KAT6B: variants seen among roughly 807,000 people sequenced by gnomAD.
KAT6B encodes histone acetyltransferase KAT6B.
Under a neutral mutation model 187.5 loss-of-function variants are expected in KAT6B, and 10 were observed. The ratio of observed to expected loss-of-function variants is 0.05; its 90% CI spans 0.03 to 0.09. The LOEUF (loss-of-function observed/expected upper bound fraction) is 0.09. Among genes scored for constraint, KAT6B ranks in the 10% least tolerant of loss-of-function variants. KAT6B has a pLI of 1.00. For synonymous variants in KAT6B, 861 were observed against 926.8 expected (o/e 0.93, Z 1.29); for missense variants, 1,952 against 2,558.9 (o/e 0.76, Z 5.12).
At chr10:74,964,079 C>T (rs181379305) in intron 4 of KAT6B, among the ~76,000 whole-genome samples, 144 of 152,190 alleles carry the variant, frequency 9.5e-4, no homozygotes, top group Non-Finnish European at 1.6e-3. Context: ...TGAGGTGAGC[C>T]GAGATTGCAC....
In KAT6B at chr10:74,842,819, T is replaced by C; in HGVS notation, c.-39T>C. The C allele has an allele frequency of 6.2e-7, 1 of 1,611,708 alleles. No homozygotes were observed. On this transcript the variant is annotated 5_prime_UTR_variant, in exon 3 of 18. Transcript: ENST00000287239. ...TTCTGTTAAATACAAAGAGAACCTC[T>C]ATGGGTAACTTTTGTGTTGAAGAAG...
intron 13 of KAT6B, chr10:75,003,113 A>G (rs1843964350): frequency 6.6e-6 from 1 of 152,210 alleles, no homozygotes; most frequent in Non-Finnish European, 1.5e-5. Flanking sequence ...TTTTGCTGAA[A>G]TGCAGCCTCT....
rs549064093 is a variant in KAT6B at position 74,830,234 on chromosome 10, C to T, written c.-329+3449C>T. ...CATGATCTTCTGATACCTGTCTTCTCGCAGACCCCAGAAAGAGAATACACC... is the reference window on the plus strand; with the variant it reads ...CATGATCTTCTGATACCTGTCTTCTTGCAGACCCCAGAAAGAGAATACACC... On this transcript the variant is annotated intron_variant, in intron 1 of 17. Transcript: ENST00000287239. Among the ~76,000 whole-genome samples, 9 of 152,122 alleles carry T rather than the reference C, an allele frequency of 5.9e-5. No individual in the cohort carries two copies. In the South Asian group the frequency reaches 6.2e-4, roughly 11 times the overall value.
intron 1 of KAT6B, among the ~76,000 whole-genome samples, chr10:74,828,403 A>G (rs1158881949): frequency 6.6e-6 from 1 of 151,828 alleles, no homozygotes; most frequent in Non-Finnish European, 1.5e-5. Context: ...GCAAATGGAA[A>G]TTAGTTGTGT....
chr10:74,872,434 G>A (rs930356493), intron 3 of KAT6B, among the ~76,000 whole-genome samples: 4 of 152,098 alleles, frequency 2.6e-5, no homozygotes, highest in African/African-American at 9.7e-5. Context: ...GGAGTGCAGT[G>A]ACACGATCTC....
intron 3 of KAT6B, among the ~76,000 whole-genome samples, chr10:74,857,926 G>T (rs1842920386): frequency 6.6e-6 from 1 of 152,232 alleles, no homozygotes; most frequent in East Asian, 1.9e-4. Flanking sequence ...GGAGGCTGAG[G>T]TGGGAGGATT....
At chr10:74,856,698 A>G (rs1842848594) in intron 3 of KAT6B, among the ~76,000 whole-genome samples, 1 of 152,118 alleles carries the variant, frequency 6.6e-6, no homozygotes, top group Non-Finnish European at 1.5e-5. Context: ...CAGAAGTTTG[A>G]GACCAGCCTG....
At chr10:74,914,319 A>G (rs1847488208) in intron 3 of KAT6B, among the ~76,000 whole-genome samples, 1 of 152,232 alleles carries the variant, frequency 6.6e-6, no homozygotes, top group Non-Finnish European at 1.5e-5. Context: ...GTCCTGTGAC[A>G]GAAAACAAAT....
chr10:74,895,003 TAC>T (rs1435070370), intron 3 of KAT6B, among the ~76,000 whole-genome samples: 1 of 152,112 alleles, frequency 6.6e-6, no homozygotes, highest in Non-Finnish European at 1.5e-5. Flanking sequence ...TACGCCATTT[TAC>T]ATTCCCACCA....
chr10:74,853,542 C>A (rs1056891143), intron 3 of KAT6B, among the ~76,000 whole-genome samples: 2 of 151,996 alleles, frequency 1.3e-5, no homozygotes, highest in African/African-American at 2.4e-5. Flanking sequence ...AGTTCACACA[C>A]CTCGGCCTCC....
At chr10:74,868,867 T>C (rs1843721069) in intron 3 of KAT6B, among the ~76,000 whole-genome samples, 1 of 152,216 alleles carries the variant, frequency 6.6e-6, no homozygotes, top group Non-Finnish European at 1.5e-5. Flanking sequence ...CATTCACTTG[T>C]CTGGTATCAT....
At chr10:75,022,646 C>T (rs1252130472) in intron 16 of KAT6B, among the ~76,000 whole-genome samples, 1 of 152,196 alleles carries the variant, frequency 6.6e-6, no homozygotes, top group Non-Finnish European at 1.5e-5. Flanking sequence ...GACTCTAAGC[C>T]TGGGTTGGGC....
intron 3 of KAT6B, among the ~76,000 whole-genome samples, chr10:74,886,606 T>C (rs192146141): frequency 1.3e-5 from 2 of 152,200 alleles, no homozygotes; most frequent in Non-Finnish European, 2.9e-5. Context: ...GGTGTTATAG[T>C]TGGCTGATGC....
chr10:74,923,110 G>A (rs928558840), intron 3 of KAT6B, among the ~76,000 whole-genome samples: 1 of 152,136 alleles, frequency 6.6e-6, no homozygotes, highest in African/African-American at 2.4e-5. Flanking sequence ...TTATTTATTG[G>A]GTGTGGGCTC....
At chr10:74,828,760 G>A (rs1425351969) in intron 1 of KAT6B, among the ~76,000 whole-genome samples, 1 of 151,480 alleles carries the variant, frequency 6.6e-6, no homozygotes, top group Non-Finnish European at 1.5e-5. Context: ...GTAGAGACGG[G>A]GTTTCACCGT....
chr10:74,932,182 G>A (rs138704775), intron 3 of KAT6B, among the ~76,000 whole-genome samples: 42 of 152,244 alleles, frequency 2.8e-4, no homozygotes, highest in African/African-American at 9.9e-4. Context: ...AATGTTGATT[G>A]GCCAAAATAT....
At chr10:74,951,117 T>C (rs56121614) in intron 3 of KAT6B, among the ~76,000 whole-genome samples, 12,357 of 152,024 alleles carry the variant, frequency 0.081, 669 homozygotes, top group South Asian at 0.27. Context: ...TTTTCTTTTT[T>C]TTTTTTTAAT....
At chr10:74,829,379 C>G (rs556703475) in intron 1 of KAT6B, among the ~76,000 whole-genome samples, 1 of 152,152 alleles carries the variant, frequency 6.6e-6, no homozygotes. Flanking sequence ...CTTTCAGTCT[C>G]CTAGTTCTCT....
Position 75,025,237 on chromosome 10 carries a change from G to C in KAT6B, c.3652G>C (p.Asp1218His), listed in dbSNP as rs375059527. The change falls in exon 17 of 18, where the codon GAC becomes CAC. Residue 1218 changes from aspartate to histidine, a missense_variant. Asp to His is a moderately conservative substitution (Grantham distance 81). Around this residue, in one of 9 missense-constraint regions of KAT6B, gnomAD observed 758 missense variants for 891.4 expected, o/e 0.85. Transcript: ENST00000287239. The stretch of plus-strand genomic sequence containing the variant: ...AGACAATCATTGCTTCAAGAATGCT[G>C]ACCCTTGTAGAAGTAAGTAGAGGAA... ...GKDNHCFKNA[D>H]PCRNNMNDDS... is the part of the protein sequence containing the mutation. 26 of 1,613,962 alleles carry C rather than the reference G, an allele frequency of 1.6e-5. No homozygotes were observed. The African/African-American group carries it at 3.1e-4, about 19-fold the overall frequency.
Sources: gnomAD v4.1 joint callset for allele counts (sites outside exome capture counted in the v4.1 genomes callset) on GRCh38, gnomAD v4.1.1 for gene constraint, gnomAD v4.1.1 regional missense constraint, MANE v1.5 for transcripts, NCBI Gene and HGNC (gene_info 2026-07-23, HGNC 2026-07-21) for gene names.